SORCS1: variants seen among roughly 807,000 people sequenced by gnomAD.
SORCS1 encodes the protein sortilin related VPS10 domain containing receptor 1, also known as VPS10 domain-containing receptor SorCS1.
A neutral mutation model predicts 146.1 loss-of-function variants in SORCS1; 60 were observed. The ratio of observed to expected loss-of-function variants is 0.41; its 90% CI spans 0.33 to 0.51. The LOEUF (loss-of-function observed/expected upper bound fraction) is 0.51, where lower values mean the gene tolerates loss of function less well. Among genes scored for constraint, SORCS1 ranks in the 20% least tolerant of loss-of-function variants. The pLI, the probability that SORCS1 is intolerant of heterozygous loss-of-function variation, is 0.21. For missense variants in SORCS1, 1,352 were observed against 1,487.6 expected (o/e 0.91, Z 1.50); for synonymous variants, 637 against 584.0 (o/e 1.09, Z -1.31).
intron 6 of SORCS1, among the ~76,000 whole-genome samples, chr10:106,710,696 T>C (rs1854916863): frequency 6.6e-6 from 1 of 152,140 alleles, no homozygotes; most frequent in African/African-American, 2.4e-5. Context: ...TCCTTTTGCC[T>C]CATTGTATTG....
At chr10:106,834,803 A>AT (rs1342302104) in intron 2 of SORCS1, among the ~76,000 whole-genome samples, 1 of 152,214 alleles carries the variant, frequency 6.6e-6, no homozygotes, top group East Asian at 1.9e-4. Context: ...CAAAGCAAGC[A>AT]TTTTTATTTT....
intron 6 of SORCS1, among the ~76,000 whole-genome samples, chr10:106,710,430 A>AG (rs970523218): frequency 5.5e-5 from 3 of 54,786 alleles, no homozygotes; most frequent in African/African-American, 1.2e-4. Flanking sequence ...CCTGGGTGAC[A>AG]GGAAAAAAAA....
At chr10:107,074,593 G>A (rs1414363426) in intron 1 of SORCS1, among the ~76,000 whole-genome samples, 1 of 152,174 alleles carries the variant, frequency 6.6e-6, no homozygotes, top group Non-Finnish European at 1.5e-5. Context: ...TTTGGTAAGA[G>A]TATGATTCGT....
At chr10:106,993,884 G>A (rs1037301983) in intron 1 of SORCS1, among the ~76,000 whole-genome samples, 1 of 151,760 alleles carries the variant, frequency 6.6e-6, no homozygotes, top group African/African-American at 2.4e-5. Flanking sequence ...ACCGGCCTGG[G>A]CAACATGGTG....
intron 1 of SORCS1, among the ~76,000 whole-genome samples, chr10:107,108,303 T>G (rs1490534405): frequency 2.0e-5 from 3 of 152,198 alleles, no homozygotes; most frequent in Non-Finnish European, 4.4e-5. Context: ...AGATGTTTAA[T>G]TGGCTCACTG....
intron 3 of SORCS1, among the ~76,000 whole-genome samples, chr10:106,804,870 A>T (rs541729990): frequency 1.6e-4 from 25 of 152,322 alleles, no homozygotes; most frequent in African/African-American, 5.5e-4. Context: ...ATTACATAGG[A>T]TATAAGCGCA....
At chr10:106,629,100 A>G (rs1848276092) in intron 19 of SORCS1, 102 bp downstream of exon 19, 1 of 1,039,864 alleles carries the variant, frequency 9.6e-7, no homozygotes, top group Non-Finnish European at 1.4e-6. Context: ...CTTCTGCTAA[A>G]AGATAACTAG....
intron 1 of SORCS1, among the ~76,000 whole-genome samples, chr10:107,107,775 T>G (rs1470409069): frequency 6.6e-6 from 1 of 152,222 alleles, no homozygotes; most frequent in Non-Finnish European, 1.5e-5. Context: ...TGGTTCTGAC[T>G]GCAGACCTGG....
intron 24 of SORCS1, among the ~76,000 whole-genome samples, chr10:106,586,411 C>T (rs539085683): frequency 4.7e-5 from 7 of 147,534 alleles, no homozygotes; most frequent in African/African-American, 1.5e-4. Flanking sequence ...CTTTGCTTTA[C>T]TTTTTTTTTT....
intron 2 of SORCS1, among the ~76,000 whole-genome samples, chr10:106,943,651 C>A (rs1452401183): frequency 1.4e-5 from 2 of 148,040 alleles, no homozygotes. Flanking sequence ...ACTAAAAATA[C>A]AAAAAAAAAA....
At chr10:106,820,138 A>G (rs1947940333) in intron 3 of SORCS1, among the ~76,000 whole-genome samples, 1 of 152,048 alleles carries the variant, frequency 6.6e-6, no homozygotes, top group Admixed American at 6.6e-5. Context: ...TTTCTCCACT[A>G]TAAGCATGTT....
chr10:107,120,381 C>T (rs1290279199), intron 1 of SORCS1, among the ~76,000 whole-genome samples: 2 of 152,168 alleles, frequency 1.3e-5, no homozygotes, highest in Middle Eastern at 3.2e-3. Context: ...AAAAAATTCA[C>T]TGCCTGTAGG....
intron 2 of SORCS1, among the ~76,000 whole-genome samples, chr10:106,886,123 A>C (rs1303139684): frequency 6.6e-6 from 1 of 152,092 alleles, no homozygotes; most frequent in East Asian, 1.9e-4. Flanking sequence ...TTAGCCTGGC[A>C]TGGTAGCAGG....
chr10:106,812,600 T>C (rs1947522470), intron 3 of SORCS1, among the ~76,000 whole-genome samples: 2 of 152,184 alleles, frequency 1.3e-5, no homozygotes, highest in Non-Finnish European at 2.9e-5. Flanking sequence ...CTTTTATAAA[T>C]CTGATATAGA....
Position 106,806,653 on chromosome 10 carries a change from G to C in SORCS1, c.726+22921C>G, listed in dbSNP as rs374404004. ...GCCTCAGCCTCCCGAGTAGCTGGGA[G>C]TACAGGTGCCCGCCACCTCGCCCAG... On this transcript the variant is annotated intron_variant, in intron 3 of 25. Coordinates refer to ENST00000263054, the MANE Select transcript of SORCS1 (RefSeq NM_052918.5). Among the ~76,000 whole-genome samples, 108 of 150,704 alleles carry C rather than the reference G, an allele frequency of 7.2e-4. No homozygotes were observed. The South Asian group carries it at 0.019, about 26-fold the overall frequency.
intron 1 of SORCS1, among the ~76,000 whole-genome samples, chr10:107,098,529 G>A (rs754643634): frequency 1.1e-4 from 17 of 152,174 alleles, no homozygotes; most frequent in Non-Finnish European, 2.1e-4. Flanking sequence ...TATGTATCAC[G>A]TGTCAGGAAT....
chr10:106,966,619 T>C (rs1363285969), intron 1 of SORCS1, among the ~76,000 whole-genome samples: 1 of 152,268 alleles, frequency 6.6e-6, no homozygotes, highest in South Asian at 2.1e-4. Flanking sequence ...GACATACAGA[T>C]AACCGAATCA....
chr10:107,126,535 G>A (rs596577), intron 1 of SORCS1, among the ~76,000 whole-genome samples: 2 of 152,070 alleles, frequency 1.3e-5, no homozygotes, highest in South Asian at 4.1e-4. Flanking sequence ...AACCTTGTGA[G>A]ATTCTGTATT....
At chr10:107,000,459 T>C (rs61867201) in intron 1 of SORCS1, among the ~76,000 whole-genome samples, 108 of 148,340 alleles carry the variant, frequency 7.3e-4, no homozygotes, top group Middle Eastern at 3.4e-3. Flanking sequence ...AAAAAAAAAT[T>C]ATCTGGGCGT....
Sources: gnomAD v4.1 joint callset for allele counts (sites outside exome capture counted in the v4.1 genomes callset) on GRCh38, gnomAD v4.1.1 for gene constraint, MANE v1.5 for transcripts, NCBI Gene and HGNC (gene_info 2026-07-23, HGNC 2026-07-21) for gene names.